The following JMJD1C variants were observed in gnomAD, a reference collection of about 807,000 sequenced individuals.
JMJD1C encodes jumonji domain-containing protein 1C.
In JMJD1C, 31 loss-of-function variants were observed where a neutral mutation model predicts 245.3. The ratio of observed to expected loss-of-function variants is 0.13; its 90% CI spans 0.09 to 0.17. The LOEUF (loss-of-function observed/expected upper bound fraction) is 0.17. Among genes scored for constraint, JMJD1C ranks in the 10% least tolerant of loss-of-function variants. The pLI is 1.00. For synonymous variants in JMJD1C, 1,057 were observed against 1,017.4 expected (o/e 1.04, Z -0.74); for missense variants, 2,691 against 3,000.2 (o/e 0.90, Z 2.41).
At chr10:63,492,250 G>A (rs916139451) in intron 1 of JMJD1C, among the ~76,000 whole-genome samples, 1 of 152,136 alleles carries the variant, frequency 6.6e-6, no homozygotes, top group Admixed American at 6.6e-5. Context: ...GCCCAGGCTG[G>A]CACTTTTTCT....
chr10:63,184,445 T>C (rs551611026), intron 21 of JMJD1C, among the ~76,000 whole-genome samples, 163 bp downstream of exon 21: 2 of 152,152 alleles, frequency 1.3e-5, no homozygotes, highest in Non-Finnish European at 2.9e-5. Flanking sequence ...GGTTTCACCA[T>C]GTTGACCAGG....
Position 63,209,199 on chromosome 10 carries a change from C to G in JMJD1C, c.2731G>C (p.Val911Leu). The change falls in exon 9 of 26, where the codon GTG (valine) becomes CTG (leucine). Residue 911 changes from valine to leucine, a missense_variant. Physicochemically the swap from Val to Leu is conservative, Grantham distance 32. Coordinates refer to ENST00000399262, the MANE Select transcript of JMJD1C (RefSeq NM_032776.3). ...AATCCAATACCATCTGCTGAGGTCA[C>G]AGGGGTGGGCTGATGTAGCCAAGGA... ...PSPWLHQPTP[V>L]TSADGIGLLS... The G allele has an allele frequency of 1.2e-6, 2 of 1,613,150 alleles. No individual in the cohort carries two copies. Among genetic ancestry groups the G allele is most frequent in the East Asian group, 4.5e-5 (2 of 44,836 alleles).
chr10:63,246,754 G>C (rs1852260861), intron 3 of JMJD1C, among the ~76,000 whole-genome samples: 1 of 152,012 alleles, frequency 6.6e-6, no homozygotes, highest in African/African-American at 2.4e-5. Context: ...TGTCTTTTCT[G>C]ACCACAACAG....
intron 3 of JMJD1C, among the ~76,000 whole-genome samples, chr10:63,252,806 T>G (rs962049114): frequency 5.9e-5 from 9 of 152,230 alleles, no homozygotes; most frequent in African/African-American, 2.2e-4. Flanking sequence ...TACAGCTCTA[T>G]TTCAGAACTT....
chr10:63,493,941 C>A (rs2133226328), intron 1 of JMJD1C, among the ~76,000 whole-genome samples: 1 of 152,272 alleles, frequency 6.6e-6, no homozygotes, highest in East Asian at 1.9e-4. Context: ...AGAGAGAAAC[C>A]ATGGAGTCTT....
At chr10:63,308,412 T>A (rs1938600325) in intron 2 of JMJD1C, among the ~76,000 whole-genome samples, 2 of 151,960 alleles carry the variant, frequency 1.3e-5, no homozygotes, top group African/African-American at 4.8e-5. Flanking sequence ...ACCCTATCCA[T>A]CCTAGCCAGT....
intron 2 of JMJD1C, among the ~76,000 whole-genome samples, chr10:63,301,997 T>C (rs1318100992): frequency 6.6e-6 from 1 of 152,190 alleles, no homozygotes; most frequent in Non-Finnish European, 1.5e-5. Flanking sequence ...TTCCACTGGA[T>C]AGATGTAAAA....
intron 2 of JMJD1C, among the ~76,000 whole-genome samples, chr10:63,277,714 G>T: frequency 7.3e-6 from 1 of 137,142 alleles, no homozygotes; most frequent in African/African-American, 2.9e-5. Context: ...TATATTCATT[G>T]AGAGTAATTT....
chr10:63,431,315 G>A (rs1950732796), intron 1 of JMJD1C, among the ~76,000 whole-genome samples: 1 of 152,108 alleles, frequency 6.6e-6, no homozygotes, highest in Admixed American at 6.5e-5. Context: ...AAAGCTAAGG[G>A]AAAAAATAAG....
intron 1 of JMJD1C, among the ~76,000 whole-genome samples, chr10:63,454,798 T>TC (rs1952304681): frequency 6.6e-6 from 1 of 152,168 alleles, no homozygotes; most frequent in Non-Finnish European, 1.5e-5. Context: ...GCTCTGTAAT[T>TC]CCCCACATAA....
At chr10:63,520,078 C>G (rs1416562422) in intron 1 of JMJD1C, among the ~76,000 whole-genome samples, 1 of 152,082 alleles carries the variant, frequency 6.6e-6, no homozygotes, top group Non-Finnish European at 1.5e-5. Flanking sequence ...GAACCTAACC[C>G]AAGAGTAGAA....
At chr10:63,272,968 C>T (rs1856470412) in intron 2 of JMJD1C, among the ~76,000 whole-genome samples, 1 of 152,136 alleles carries the variant, frequency 6.6e-6, no homozygotes. Context: ...GTCATACATT[C>T]TTAGTAACAC....
At chr10:63,359,237 C>A (rs1945121790) in intron 2 of JMJD1C, 1 of 152,212 alleles carries the variant, frequency 6.6e-6, no homozygotes, top group Admixed American at 6.5e-5. Context: ...CTGGCCTGGG[C>A]CATATTCATG....
chr10:63,503,089 G>A (rs745465754), intron 1 of JMJD1C, among the ~76,000 whole-genome samples: 17 of 152,180 alleles, frequency 1.1e-4, no homozygotes, highest in Non-Finnish European at 2.2e-4. Context: ...GCCCTTAAGT[G>A]ACACACAAAG....
intron 10 of JMJD1C, chr10:63,202,410 G>A (rs1846127597): frequency 1.0e-6 from 1 of 985,380 alleles, no homozygotes; most frequent in East Asian, 1.1e-4. Flanking sequence ...GAATAAAACT[G>A]TATTTCCTAC....
In JMJD1C at chr10:63,213,552, G is replaced by A. The variant is rs757794339; in HGVS notation, c.2615C>T (p.Ala872Val). The A allele has an allele frequency of 6.2e-6, 10 of 1,613,628 alleles. No homozygotes were observed. The highest frequency in any genetic ancestry group is 4.5e-5 in the East Asian group (2 of 44,842). Residue 872 changes from alanine to valine, a missense_variant, in exon 8 of 26, where the codon GCA becomes GTA. By Grantham distance (64) the Ala-to-Val change is moderately conservative. Transcript: ENST00000399262. The stretch of plus-strand genomic sequence containing the variant: ...AGAAGGCAAACCAAGTCCTGAGTAT[G>A]CATGTGTTCCATTTGGATACTGCCA... ...IIWQYPNGTHAYSGLGLPSSK... is the reference protein window; with the variant it reads ...IIWQYPNGTHVYSGLGLPSSK...
chr10:63,358,595 T>G (rs1945065263), intron 2 of JMJD1C: 1 of 151,910 alleles, frequency 6.6e-6, no homozygotes, highest in Non-Finnish European at 1.5e-5. Context: ...TTATGAAAAC[T>G]CAGTAATATG....
rs776005261 is a variant in JMJD1C at position 63,185,532 on chromosome 10, A to T, written c.6830+31T>A. The T allele has an allele frequency of 2.2e-5, 28 of 1,280,850 alleles. No individual in the cohort carries two copies. The East Asian group carries it at 6.4e-4, about 29-fold the overall frequency. 79.3% of individuals were successfully genotyped at this position (1,280,850 alleles called of 1,614,324 possible). A position where few individuals can be genotyped will look rare whatever the true frequency, so the allele number is the denominator to read the frequency against. On this transcript the variant is annotated intron_variant, in intron 20 of 25. Transcript: ENST00000399262. The stretch of plus-strand genomic sequence containing the variant: ...GGGACAGTCTTAGCTCGATCTCAAA[A>T]AGTCAAGAGTCAAAATGAAAAGTTT...
At chr10:63,312,454 A>C (rs1045570765) in intron 2 of JMJD1C, among the ~76,000 whole-genome samples, 1 of 152,176 alleles carries the variant, frequency 6.6e-6, no homozygotes, top group Non-Finnish European at 1.5e-5. Flanking sequence ...AGTAAATATT[A>C]CATGTATCTG....
Sources: allele counts gnomAD v4.1 joint callset (sites outside exome capture counted in the v4.1 genomes callset), GRCh38; gene constraint gnomAD v4.1.1; transcripts MANE v1.5; gene names NCBI Gene and HGNC (gene_info 2026-07-23, HGNC 2026-07-21).